LAMB1: variants seen among roughly 807,000 people sequenced by gnomAD.
LAMB1 encodes laminin subunit beta 1.
Under a neutral mutation model 222.3 loss-of-function variants are expected in LAMB1, and 121 were observed. The ratio of observed to expected loss-of-function variants is 0.54; its 90% CI spans 0.47 to 0.63. The LOEUF (loss-of-function observed/expected upper bound fraction) is 0.63, where lower values mean the gene tolerates loss of function less well. Among genes scored for constraint, LAMB1 ranks in the 30% least tolerant of loss-of-function variants. The pLI, the probability that LAMB1 is intolerant of heterozygous loss-of-function variation, is 0.00. For missense variants in LAMB1, 2,172 were observed against 2,240.8 expected (o/e 0.97, Z 0.62); for synonymous variants, 794 against 807.2 (o/e 0.98, Z 0.28).
At chr7:107,954,685 G>A (rs1212447959) in intron 21 of LAMB1, among the ~76,000 whole-genome samples, 1 of 152,184 alleles carries the variant, frequency 6.6e-6, no homozygotes, top group Non-Finnish European at 1.5e-5. Flanking sequence ...CAGCTACTCG[G>A]GAGGCTGAGG....
At chr7:107,981,697 A>G (rs1467737951) in intron 7 of LAMB1, among the ~76,000 whole-genome samples, 2 of 152,236 alleles carry the variant, frequency 1.3e-5, no homozygotes, top group African/African-American at 2.4e-5. Flanking sequence ...TGCTTCCCAC[A>G]GCAATTAATG....
chr7:107,984,463 G>C (rs1442571873), intron 7 of LAMB1, among the ~76,000 whole-genome samples: 1 of 152,186 alleles, frequency 6.6e-6, no homozygotes, highest in African/African-American at 2.4e-5. Context: ...GGCCAGGCTA[G>C]TCTCGAATTC....
intron 25 of LAMB1, 35 bp from the exon 26 acceptor site, chr7:107,937,312 T>C: frequency 1.3e-6 from 2 of 1,559,162 alleles, no homozygotes; most frequent in Non-Finnish European, 8.8e-7. Flanking sequence ...TTACATAAAA[T>C]AAACCCAAGG....
chr7:107,961,270 A>G lies in LAMB1; in HGVS notation c.2045T>C (p.Leu682Ser). ...AGAGGAGGTGTACTGAGGCAGCTCC[A>G]ACCTCACCGTGTAGTTTGTTCCCTT... ...FEKGTNYTVRLELPQYTSSDS... is the reference protein window; with the variant it reads ...FEKGTNYTVRSELPQYTSSDS... The change falls in exon 17 of 34, where the codon TTG becomes TCG. Residue 682 changes from leucine to serine, a missense_variant. Physicochemically the swap from Leu to Ser is moderately radical, Grantham distance 145. Transcript: ENST00000222399. 3 of 1,614,088 alleles carry G rather than the reference A, an allele frequency of 1.9e-6. No homozygotes were observed. The South Asian group carries it at 3.3e-5, about 18-fold the overall frequency.
At chr7:107,989,811 C>T (rs563262988) in intron 5 of LAMB1, among the ~76,000 whole-genome samples, 85 of 152,162 alleles carry the variant, frequency 5.6e-4, no homozygotes, top group Non-Finnish European at 1.1e-3. Flanking sequence ...TTCCTTCTCC[C>T]TCTCTTTTGG....
Position 107,955,507 on chromosome 7 carries a change from A to G in LAMB1, c.2814T>C (p.Val938=), listed in dbSNP as rs2033355397. ...CACAAACACAGGCAAGCTGTAAAGTAACAGGATCTTGGTAGCAGCTCCTGG... is the reference window on the plus strand; with the variant it reads ...CACAAACACAGGCAAGCTGTAAAGTGACAGGATCTTGGTAGCAGCTCCTGG... ...QFARSCYQDP[V]TLQLACVCDP... Residue 938 remains valine, a synonymous_variant, in exon 21 of 34, where the codon GTT becomes GTC. Transcript: ENST00000222399. 1 of 1,614,028 alleles carries G rather than the reference A, an allele frequency of 6.2e-7. No individual in the cohort carries two copies. Among genetic ancestry groups the G allele is most frequent in the African/African-American group, 1.3e-5 (1 of 74,930 alleles).
intron 9 of LAMB1, among the ~76,000 whole-genome samples, chr7:107,976,871 CCTTT>C (rs1393557364): frequency 1.9e-5 from 1 of 53,404 alleles, no homozygotes; most frequent in Non-Finnish European, 3.9e-5. Context: ...TTCCTTCCTT[CCTTT>C]CCTCTTGCTC....
chr7:107,992,827 G>A (rs953741282), intron 5 of LAMB1, among the ~76,000 whole-genome samples: 1 of 152,118 alleles, frequency 6.6e-6, no homozygotes, highest in African/African-American at 2.4e-5. Context: ...CCCAGGAGGC[G>A]GAGGGTGTAG....
chr7:107,973,988 G>GAAA (rs2033803037), intron 12 of LAMB1, among the ~76,000 whole-genome samples: 6 of 152,038 alleles, frequency 3.9e-5, no homozygotes, highest in African/African-American at 1.4e-4. Context: ...ATGGGGTCTT[G>GAAA]CTGGTCTCAA....
At chr7:107,976,970 C>T (rs1326185955) in intron 9 of LAMB1, among the ~76,000 whole-genome samples, 6 of 113,884 alleles carry the variant, frequency 5.3e-5, no homozygotes, top group African/African-American at 1.2e-4. Flanking sequence ...CTTTCCTCTC[C>T]CTCCTTCCTT....
chr7:107,993,625 G>A (rs1171775473), intron 5 of LAMB1, among the ~76,000 whole-genome samples: 5 of 152,130 alleles, frequency 3.3e-5, no homozygotes, highest in African/African-American at 1.2e-4. Flanking sequence ...GATGCCCTCT[G>A]CAAAGGAAAA....
chr7:107,953,740 C>G lies in LAMB1; in HGVS notation c.2869G>C (p.Asp957His). The change falls in exon 22 of 34, where the codon GAC (aspartate) becomes CAC (histidine). Residue 957 changes from aspartate to histidine, a missense_variant. Coordinates refer to ENST00000222399, the MANE Select transcript of LAMB1 (RefSeq NM_002291.3). Reference sequence around the variant, plus strand: ...TTGCCAAAGTATCCTGAGGCACAGTCGTCACATCTGGAACCTGTCACCCGA... The same window carrying G: ...TTGCCAAAGTATCCTGAGGCACAGTGGTCACATCTGGAACCTGTCACCCGA... ...DPGYIGSRCD[D>H]CASGYFGNPS... The G allele has an allele frequency of 6.2e-7, 1 of 1,614,078 alleles. No homozygotes were observed. The highest frequency in any genetic ancestry group is 2.2e-5 in the East Asian group (1 of 44,874).
At chr7:107,988,064 G>A (rs574575737) in intron 5 of LAMB1, among the ~76,000 whole-genome samples, 26 of 152,254 alleles carry the variant, frequency 1.7e-4, no homozygotes, top group Admixed American at 3.3e-4. Context: ...AAAAGATGAC[G>A]GTTTTAACCT....
chr7:107,926,438 T>A, intron 31 of LAMB1, 79 bp from the exon 32 acceptor site: 1 of 1,235,622 alleles, frequency 8.1e-7, no homozygotes, highest in Non-Finnish European at 1.1e-6. Flanking sequence ...GAGGAAGATT[T>A]AAAAGTCTGC....
rs896532976 is a variant in LAMB1 at position 107,991,673 on chromosome 7, C to T, written c.423+3214G>A. On this transcript the variant is annotated intron_variant, in intron 5 of 33. Transcript: ENST00000222399. ...CGTCTGTAATCCCAGCACTTTGTGA[C>T]GCCGAGGCGGGCAGATCATGAGGTC... 4.6e-5 allele frequency among the ~76,000 whole-genome samples: 7 copies of T among 151,720 alleles called. 1 individual carries two copies. Among genetic ancestry groups the T allele is most frequent in the Admixed American group, 6.6e-5 (1 of 15,244 alleles).
chr7:107,970,317 G>A (rs1378052958), intron 13 of LAMB1, among the ~76,000 whole-genome samples: 20 of 151,912 alleles, frequency 1.3e-4, no homozygotes, highest in African/African-American at 2.4e-4. Context: ...GTGAAACCCC[G>A]TCTCTACTAA....
intron 7 of LAMB1, 46 bp from the exon 8 acceptor site, chr7:107,980,857 G>A: frequency 8.1e-7 from 1 of 1,233,468 alleles, no homozygotes; most frequent in Admixed American, 2.1e-5. Flanking sequence ...AGACAAGCAA[G>A]AAGTTTTTTT....
intron 13 of LAMB1, among the ~76,000 whole-genome samples, chr7:107,965,869 G>A (rs922414917): frequency 1.3e-5 from 2 of 152,042 alleles, no homozygotes; most frequent in Non-Finnish European, 2.9e-5. Flanking sequence ...GGGAGGCCAA[G>A]GCAGGTGGAT....
rs988315576 is a variant in LAMB1, at chr7:107,977,972, G to A, written c.1000+75C>T. On this transcript the variant is annotated intron_variant, in intron 9 of 33. Transcript: ENST00000222399. ...TCTACCCTCTGCAAAACAGTACACT[G>A]TTACAGTACCTCTAATTAGGAAATG... 7.1e-6 allele frequency: 11 copies of A among 1,552,068 alleles called. No individual in the cohort carries two copies. The African/African-American group carries it at 1.2e-4, about 17-fold the overall frequency.
Sources: allele counts gnomAD v4.1 joint callset (sites outside exome capture counted in the v4.1 genomes callset), GRCh38; gene constraint gnomAD v4.1.1; transcripts MANE v1.5; gene names NCBI Gene and HGNC (gene_info 2026-07-23, HGNC 2026-07-21).